AUTS2: variants seen among roughly 807,000 people sequenced by gnomAD.
The protein encoded by AUTS2 is autism susceptibility gene 2 protein.
AUTS2 carries 17 observed loss-of-function variants against 112.4 expected under a neutral mutation model. The ratio of observed to expected loss-of-function variants is 0.15; its 90% CI spans 0.10 to 0.23. The LOEUF (loss-of-function observed/expected upper bound fraction) is 0.23. Ranked by LOEUF, AUTS2 falls within the 10% of genes least tolerant of loss-of-function variation. AUTS2 has a pLI of 1.00. For missense variants in AUTS2, 1,510 were observed against 1,701.6 expected, an observed-to-expected ratio of 0.89 and a Z score of 1.98; for synonymous variants, 751 against 702.7, an observed-to-expected ratio of 1.07 and a Z score of -1.09.
At chr7:70,097,878 G>A (rs949972203) in intron 2 of AUTS2, among the ~76,000 whole-genome samples, 1 of 152,200 alleles carries the variant, frequency 6.6e-6, no homozygotes, top group African/African-American at 2.4e-5. Flanking sequence ...AGAAAGCATG[G>A]CACTCAAATG....
At chr7:70,295,587 G>A (rs939914887) in intron 4 of AUTS2, among the ~76,000 whole-genome samples, 1 of 151,960 alleles carries the variant, frequency 6.6e-6, no homozygotes, top group East Asian at 1.9e-4. Flanking sequence ...TGGTCTCCTG[G>A]CTTTGACCAT....
intron 2 of AUTS2, among the ~76,000 whole-genome samples, chr7:70,013,361 C>T (rs1799888759): frequency 6.6e-6 from 1 of 152,186 alleles, no homozygotes; most frequent in African/African-American, 2.4e-5. Context: ...AGAAGGATCT[C>T]CAGCCTGGGA....
chr7:70,763,025 C>T lies in AUTS2; in HGVS notation c.898C>T (p.Pro300Ser). 1.2e-6 allele frequency: 2 copies of T among 1,614,120 alleles called. No homozygotes were observed. Among genetic ancestry groups the T allele is most frequent in the Non-Finnish European group, 1.7e-6 (2 of 1,180,030 alleles). The change falls in exon 7 of 19, where the codon CCT becomes TCT. Residue 300 changes from proline to serine, a missense_variant. Around this residue, in one of 3 missense-constraint regions of AUTS2, gnomAD observed 535 missense variants for 594.3 expected, o/e 0.90. Coordinates refer to ENST00000342771, the MANE Select transcript of AUTS2 (RefSeq NM_015570.4). ...FEPVVLKDPC[P>S]QVAQPIPQPQ... ...GCCTGTGGTGCTTAAAGACCCCTGC[C>T]CTCAGGTCGCACAGCCAATACCCCA...
At chr7:69,830,018 A>T (rs977110091) in intron 1 of AUTS2, among the ~76,000 whole-genome samples, 1 of 152,228 alleles carries the variant, frequency 6.6e-6, no homozygotes, top group African/African-American at 2.4e-5. Context: ...TGGATAAAGA[A>T]ATGTGGTACA....
At position 69,788,603 on chromosome 7, in the gene AUTS2, C is replaced by T. The variant is rs146425135; in HGVS notation, c.310-110683C>T. On this transcript the variant is annotated intron_variant, in intron 1 of 18. Transcript: ENST00000342771. ...TGGTATTGTTTGAATACAGTTTAACCTGAAGGGCACTTGGTTTTTGTGCAG... is the reference window on the plus strand; with the variant it reads ...TGGTATTGTTTGAATACAGTTTAACTTGAAGGGCACTTGGTTTTTGTGCAG... Among the ~76,000 whole-genome samples the T allele has an allele frequency of 5.3e-3, 803 of 152,220 alleles. 1 individual carries two copies. Among genetic ancestry groups the T allele is most frequent in the Non-Finnish European group, 8.8e-3 (597 of 68,006 alleles).
At chr7:69,807,724 G>T (rs1205050033) in intron 1 of AUTS2, among the ~76,000 whole-genome samples, 1 of 152,138 alleles carries the variant, frequency 6.6e-6, no homozygotes, top group African/African-American at 2.4e-5. Context: ...CTGCTTCTAA[G>T]ATGGCTCATT....
chr7:70,612,762 G>A (rs1251726381), intron 5 of AUTS2, among the ~76,000 whole-genome samples: 1 of 151,996 alleles, frequency 6.6e-6, no homozygotes, highest in Non-Finnish European at 1.5e-5. Context: ...TCTGTCCTAA[G>A]TGGGTTAGGA....
At chr7:69,737,893 G>C (rs969330975) in intron 1 of AUTS2, among the ~76,000 whole-genome samples, 1 of 152,146 alleles carries the variant, frequency 6.6e-6, no homozygotes, top group African/African-American at 2.4e-5. Flanking sequence ...TCCTAACTGG[G>C]TATATTCTGC....
At chr7:70,287,246 A>G (rs1281034458) in intron 4 of AUTS2, among the ~76,000 whole-genome samples, 1 of 152,176 alleles carries the variant, frequency 6.6e-6, no homozygotes, top group Non-Finnish European at 1.5e-5. Flanking sequence ...GTGTGGTCCT[A>G]TGATGGGTCC....
intron 2 of AUTS2, among the ~76,000 whole-genome samples, chr7:70,063,901 A>C (rs1802371054): frequency 6.6e-6 from 1 of 152,118 alleles, no homozygotes; most frequent in African/African-American, 2.4e-5. Flanking sequence ...TTTTGCTTTG[A>C]CTTTTCTTTC....
In AUTS2 at chr7:69,799,431, T is replaced by C. The variant is rs550224685; in HGVS notation, c.310-99855T>C. Among the ~76,000 whole-genome samples the C allele has an allele frequency of 2.0e-5, 3 of 152,282 alleles. No homozygotes were observed. In the South Asian group the frequency reaches 6.2e-4, roughly 32 times the overall value. Reference sequence around the variant, plus strand: ...ACAATGCCCAGCAAAGTCTCCATTTTAAACCAGAGGCAAGTCTCCAGGTGC... The same window carrying C: ...ACAATGCCCAGCAAAGTCTCCATTTCAAACCAGAGGCAAGTCTCCAGGTGC... On this transcript the variant is annotated intron_variant, in intron 1 of 18. Transcript: ENST00000342771.
At chr7:69,689,400 G>C (rs1797212720) in intron 1 of AUTS2, among the ~76,000 whole-genome samples, 1 of 139,692 alleles carries the variant, frequency 7.2e-6, no homozygotes, top group Non-Finnish European at 1.5e-5. Context: ...GCCTAGGCTG[G>C]AGTGCAGTGG....
chr7:69,809,128 A>G (rs1028704303), intron 1 of AUTS2, among the ~76,000 whole-genome samples: 4 of 151,702 alleles, frequency 2.6e-5, no homozygotes, highest in Non-Finnish European at 5.9e-5. Flanking sequence ...AGGCTGGAGT[A>G]CAGTGGCGCG....
chr7:70,174,319 A>T (rs546097760), intron 4 of AUTS2, among the ~76,000 whole-genome samples: 2 of 152,366 alleles, frequency 1.3e-5, no homozygotes, highest in South Asian at 2.1e-4. Context: ...AAGCTGCAGA[A>T]GAAAAGCTGG....
intron 1 of AUTS2, among the ~76,000 whole-genome samples, chr7:69,697,499 G>A (rs1797608402): frequency 6.6e-6 from 1 of 152,200 alleles, no homozygotes; most frequent in African/African-American, 2.4e-5. Flanking sequence ...GATGTCAGGG[G>A]TAGGCTTTCT....
intron 1 of AUTS2, among the ~76,000 whole-genome samples, chr7:69,852,656 T>C (rs1792539544): frequency 2.0e-5 from 3 of 152,150 alleles, no homozygotes; most frequent in Non-Finnish European, 4.4e-5. Context: ...TTTCACCATG[T>C]TGGCCAGGCT....
chr7:69,726,267 C>T (rs1398547181), intron 1 of AUTS2, among the ~76,000 whole-genome samples: 2 of 152,004 alleles, frequency 1.3e-5, no homozygotes, highest in Non-Finnish European at 2.9e-5. Flanking sequence ...TTTGCCTGTT[C>T]TTGAATTTCA....
intron 2 of AUTS2, among the ~76,000 whole-genome samples, chr7:69,950,790 G>A (rs977630250): frequency 2.6e-5 from 4 of 152,100 alleles, no homozygotes; most frequent in African/African-American, 4.8e-5. Flanking sequence ...AAGTCATGCC[G>A]TTGCAATAAG....
At chr7:70,555,845 G>A (rs963513111) in intron 5 of AUTS2, among the ~76,000 whole-genome samples, 2 of 148,782 alleles carry the variant, frequency 1.3e-5, no homozygotes, top group Non-Finnish European at 3.0e-5. Flanking sequence ...TCGCTCTGTC[G>A]CCCAGCTGGA....
Sources: allele counts gnomAD v4.1 joint callset (sites outside exome capture counted in the v4.1 genomes callset), GRCh38; gene constraint gnomAD v4.1.1; regional missense constraint gnomAD v4.1.1; transcripts MANE v1.5; gene names NCBI Gene and HGNC (gene_info 2026-07-23, HGNC 2026-07-21).